Variants in PDE5A observed in about 807,000 individuals in gnomAD.
PDE5A encodes the protein cGMP-specific 3',5'-cyclic phosphodiesterase.
In PDE5A, 67 loss-of-function variants were observed where a neutral mutation model predicts 110.2. That is an observed-to-expected ratio of 0.61 (90% CI 0.50 to 0.75). The LOEUF is 0.75. Among genes scored for constraint, PDE5A ranks in the 30% least tolerant of loss-of-function variants. PDE5A has a pLI of 0.00. For missense variants in PDE5A, 862 were observed against 1,045.1 expected, an observed-to-expected ratio of 0.82 and a Z score of 2.42; for synonymous variants, 328 against 351.2, an observed-to-expected ratio of 0.93 and a Z score of 0.74.
At chr4:119,580,405 CAG>C (rs1728549734) in intron 3 of PDE5A, among the ~76,000 whole-genome samples, 1 of 152,132 alleles carries the variant, frequency 6.6e-6, no homozygotes, top group Non-Finnish European at 1.5e-5. Flanking sequence ...TAAAAACTGC[CAG>C]AGACACAAAG....
At chr4:119,558,329 T>C (rs1280250800) in intron 7 of PDE5A, among the ~76,000 whole-genome samples, 1 of 152,212 alleles carries the variant, frequency 6.6e-6, no homozygotes, top group Non-Finnish European at 1.5e-5. Flanking sequence ...TATGAGGTCA[T>C]TAGTGGATTG....
In PDE5A at chr4:119,502,669, CAG is replaced by C. The variant is rs760501348; in HGVS notation, c.2332-16_2332-15del. On this transcript the variant is annotated splice_polypyrimidine_tract_variant and intron_variant, in intron 18 of 20. Transcript: ENST00000354960. ...AAGTTCTGCTATCTGAAATAAATAA[CAG>C]ACTCAGTTTTGACAATGAAAAGCAT... 7 of 1,536,746 alleles carry C rather than the reference CAG, an allele frequency of 4.6e-6. No individual in the cohort carries two copies. Among genetic ancestry groups the C allele is most frequent in the Non-Finnish European group, 6.3e-6 (7 of 1,113,638 alleles).
chr4:119,545,348 T>G (rs1727096854), intron 9 of PDE5A, among the ~76,000 whole-genome samples: 1 of 152,098 alleles, frequency 6.6e-6, no homozygotes, highest in African/African-American at 2.4e-5. Flanking sequence ...ATAATGAAAT[T>G]TAAAACTGAA....
chr4:119,536,825 T>G (rs1726740574), intron 11 of PDE5A, among the ~76,000 whole-genome samples: 2 of 152,088 alleles, frequency 1.3e-5, no homozygotes, highest in Admixed American at 1.3e-4. Context: ...ACTGGCACCA[T>G]TCCCTCCTTA....
In PDE5A at chr4:119,525,174, C is replaced by T. The variant is rs936560904; in HGVS notation, c.1779+375G>A. Among the ~76,000 whole-genome samples the T allele has an allele frequency of 3.3e-5, 5 of 152,160 alleles. No individual in the cohort carries two copies. Among genetic ancestry groups the T allele is most frequent in the Non-Finnish European group, 7.4e-5 (5 of 67,994 alleles). On this transcript the variant is annotated intron_variant, in intron 12 of 20. Transcript: ENST00000354960. The surrounding 1 kb of genome is among the most constrained non-coding windows in gnomAD (Gnocchi z 4.3). Reference sequence around the variant, plus strand: ...AGGGTAAAATCCAAATTCATCTGTACGGCTTACAAGGTTCCGTATCATTTG... The same window carrying T: ...AGGGTAAAATCCAAATTCATCTGTATGGCTTACAAGGTTCCGTATCATTTG...
At chr4:119,628,460 G>T in intron 1 of PDE5A, 60 bp downstream of exon 1, 1 of 1,393,214 alleles carries the variant, frequency 7.2e-7, no homozygotes, top group Non-Finnish European at 9.8e-7. Flanking sequence ...GGTGAACGAA[G>T]GGCACAATTC....
At chr4:119,543,813 C>A (rs1221827735) in intron 9 of PDE5A, 1 of 152,280 alleles carries the variant, frequency 6.6e-6, no homozygotes, top group African/African-American at 2.4e-5. Flanking sequence ...ATACCTCCTT[C>A]CCAATGACCT....
At position 119,565,419 on chromosome 4, in the gene PDE5A, C is replaced by G; in HGVS notation, c.904-9G>C. ...AAATAAGCAGCAAAGTCCTAAAAAA[C>G]AGATAATAGACAAATAAAAACGGTA... On this transcript the variant is annotated splice_polypyrimidine_tract_variant and intron_variant, in intron 4 of 20. Coordinates refer to ENST00000354960, the MANE Select transcript of PDE5A (RefSeq NM_001083.4). The G allele has an allele frequency of 6.3e-7, 1 of 1,583,888 alleles. No individual in the cohort carries two copies. The highest frequency in any genetic ancestry group is 8.7e-7 in the Non-Finnish European group (1 of 1,153,480).
intron 1 of PDE5A, among the ~76,000 whole-genome samples, chr4:119,616,566 A>T (rs1472405700): frequency 6.6e-6 from 1 of 151,390 alleles, no homozygotes; most frequent in Non-Finnish European, 1.5e-5. Flanking sequence ...TCATGAAGCT[A>T]ACAGCACCGC....
chr4:119,573,676 T>C (rs774105030), intron 3 of PDE5A, among the ~76,000 whole-genome samples: 23 of 152,298 alleles, frequency 1.5e-4, no homozygotes, highest in Non-Finnish European at 2.6e-4. Flanking sequence ...AGATATTCCA[T>C]GGTTGGGGGA....
At chr4:119,619,226 G>A (rs950026165) in intron 1 of PDE5A, among the ~76,000 whole-genome samples, 16 of 152,196 alleles carry the variant, frequency 1.1e-4, no homozygotes, top group African/African-American at 3.4e-4. Context: ...TTTCAGTTAC[G>A]TTGTTTGCAT....
chr4:119,516,334 T>C (rs993627859), intron 14 of PDE5A, among the ~76,000 whole-genome samples: 7 of 152,246 alleles, frequency 4.6e-5, no homozygotes, highest in Admixed American at 2.6e-4. Context: ...TATCACTTTC[T>C]TTCTGCCTTG....
At chr4:119,614,530 C>T (rs554040302) in intron 1 of PDE5A, among the ~76,000 whole-genome samples, 3 of 152,238 alleles carry the variant, frequency 2.0e-5, no homozygotes, top group East Asian at 1.9e-4. Context: ...GCTATCAAAT[C>T]GCTCATTTTA....
chr4:119,591,248 T>C (rs546277122), intron 3 of PDE5A, among the ~76,000 whole-genome samples: 308 of 152,288 alleles, frequency 2.0e-3, no homozygotes, highest in Middle Eastern at 3.4e-3. Context: ...TAGTTCTACA[T>C]CTCCTTTTAA....
chr4:119,525,428 T>C lies in PDE5A; in HGVS notation c.1779+121A>G, dbSNP rs1726277828. The C allele has an allele frequency of 2.3e-6, 2 of 885,818 alleles. No individual in the cohort carries two copies. Among genetic ancestry groups the C allele is most frequent in the Non-Finnish European group, 3.4e-6 (2 of 593,008 alleles). 54.9% of individuals were successfully genotyped at this position (885,818 alleles called of 1,614,324 possible). A position where few individuals can be genotyped will look rare whatever the true frequency, so the allele number is the denominator to read the frequency against. ...GTCTCGGGTATATATTAGGTGACAG[T>C]ATATTAATCACTAAAATGTAAAAAT... is the stretch of plus-strand genomic sequence containing the variant. On this transcript the variant is annotated intron_variant, in intron 12 of 20. Coordinates refer to ENST00000354960, the MANE Select transcript of PDE5A (RefSeq NM_001083.4). This position sits in a 1 kb window ranked among gnomAD's most constrained non-coding sequence, Gnocchi z 4.3.
chr4:119,495,647 A>T lies in PDE5A; in HGVS notation c.*2954T>A, dbSNP rs370966489. On this transcript the variant is annotated 3_prime_UTR_variant, in exon 21 of 21. Coordinates refer to ENST00000354960, the MANE Select transcript of PDE5A (RefSeq NM_001083.4). ...AATCCAATATTTCCAGTATATTTTC[A>T]TATACTTTCTTATCTCTAATACTCC... is the stretch of plus-strand genomic sequence containing the variant. 4 of 152,590 alleles carry T rather than the reference A, an allele frequency of 2.6e-5. No individual in the cohort carries two copies. Among genetic ancestry groups the T allele is most frequent in the African/African-American group, 9.6e-5 (4 of 41,456 alleles). The allele number at this position is 152,590 out of a possible 1,614,324, so 9.5% of individuals were successfully genotyped here.
chr4:119,538,342 T>C (rs1390530119), intron 11 of PDE5A, among the ~76,000 whole-genome samples: 1 of 152,174 alleles, frequency 6.6e-6, no homozygotes, highest in Non-Finnish European at 1.5e-5. Context: ...CTTACCTATG[T>C]CATCGCAAAT....
chr4:119,567,844 A>G (rs1727997112), intron 3 of PDE5A, among the ~76,000 whole-genome samples: 1 of 152,170 alleles, frequency 6.6e-6, no homozygotes, highest in Non-Finnish European at 1.5e-5. Flanking sequence ...CCTTAGTCCT[A>G]TAAAGACCTT....
chr4:119,503,851 T>G (rs914612529), intron 18 of PDE5A, among the ~76,000 whole-genome samples: 1 of 152,182 alleles, frequency 6.6e-6, no homozygotes, highest in Non-Finnish European at 1.5e-5. Context: ...AAAGCCTTTG[T>G]ATGTCCAATT....
Sources: gnomAD v4.1 joint callset for allele counts (sites outside exome capture counted in the v4.1 genomes callset) on GRCh38, gnomAD v4.1.1 for gene constraint, Gnocchi (gnomAD v3.1) non-coding constraint, MANE v1.5 for transcripts, NCBI Gene and HGNC (gene_info 2026-07-23, HGNC 2026-07-21) for gene names.